FOSB: variants seen among roughly 807,000 people sequenced by gnomAD.
FOSB encodes the protein FosB proto-oncogene, AP-1 transcription factor subunit, also known as protein FosB.
Under a neutral mutation model 31.1 loss-of-function variants are expected in FOSB, and 8 were observed. The ratio of observed to expected loss-of-function variants is 0.26; its 90% CI spans 0.15 to 0.46. The LOEUF (loss-of-function observed/expected upper bound fraction) is 0.46. Ranked by LOEUF, FOSB falls within the 20% of genes least tolerant of loss-of-function variation. The probability of loss-of-function intolerance (pLI) is 0.99; values close to 1 mark genes in which losing one functional copy is unlikely to be tolerated. For missense variants in FOSB, 376 were observed against 460.6 expected (o/e 0.82, Z 1.68); for synonymous variants, 214 against 206.1 (o/e 1.04, Z -0.33).
In FOSB at chr19:45,475,119, TG is replaced by T. The variant is rs1238075322; in HGVS notation, c.*2110del. 1 of 152,628 alleles carries T rather than the reference TG, an allele frequency of 6.6e-6. No individual in the cohort carries two copies. The highest frequency in any genetic ancestry group is 1.5e-5 in the Non-Finnish European group (1 of 68,064). 9.5% of individuals were successfully genotyped at this position (152,628 alleles called of 1,614,324 possible). On this transcript the variant is annotated 3_prime_UTR_variant, in exon 4 of 4. Coordinates refer to ENST00000353609, the MANE Select transcript of FOSB (RefSeq NM_006732.3). ...CCGGGGGGCTGGGACAGATTGGCAA[TG>T]GGCCGTCCCCTCTCCCCTTGGTTCT...
In FOSB at chr19:45,468,274, G is replaced by A; in HGVS notation, c.-313G>A. 1 of 245,954 alleles carries A rather than the reference G, an allele frequency of 4.1e-6. No individual in the cohort carries two copies. The highest frequency in any genetic ancestry group is 1.3e-3 in the Middle Eastern group (1 of 796). The allele number at this position is 245,954 out of a possible 1,614,324, so 15.2% of individuals were successfully genotyped here. On this transcript the variant is annotated 5_prime_UTR_variant, in exon 1 of 4. Transcript: ENST00000353609. This position sits in a 1 kb window ranked among gnomAD's most constrained non-coding sequence, Gnocchi z 4.8. ...AGCTGATTCTGTACAGCGGGACAGCGCTTTCTGCCCCTGGGGGAGCAACCC... is the reference window on the plus strand; with the variant it reads ...AGCTGATTCTGTACAGCGGGACAGCACTTTCTGCCCCTGGGGGAGCAACCC...
rs770578355 is a variant in FOSB, at chr19:45,474,866, A to G, written c.*1854A>G. 2.0e-5 allele frequency: 3 copies of G among 151,992 alleles called. No homozygotes were observed. Among genetic ancestry groups the G allele is most frequent in the African/African-American group, 2.4e-5 (1 of 41,350 alleles). 9.4% of individuals were successfully genotyped at this position (151,992 alleles called of 1,614,324 possible). ...GTCTCCTTTCTGACTGTCCCTGCCAATGCTCCAGCTGTCGTCTGACTCTGG... is the reference window on the plus strand; with the variant it reads ...GTCTCCTTTCTGACTGTCCCTGCCAGTGCTCCAGCTGTCGTCTGACTCTGG... On this transcript the variant is annotated 3_prime_UTR_variant, in exon 4 of 4. Coordinates refer to ENST00000353609, the MANE Select transcript of FOSB (RefSeq NM_006732.3).
In FOSB at chr19:45,472,070, G is replaced by GA. The variant is rs796129432; in HGVS notation, c.556-470dup. 1.3e-3 allele frequency: 185 copies of GA among 147,696 alleles called. No homozygotes were observed. The highest frequency in any genetic ancestry group is 3.5e-3 in the Middle Eastern group (1 of 288). The allele number at this position is 147,696 out of a possible 1,614,324, so 9.1% of individuals were successfully genotyped here. Reference sequence around the variant, plus strand: ...CATAGGGAGGACTTGTCTCTACCAAGAAAAAAAAAAATTAGTTGGGCATGG... The same window carrying GA: ...CATAGGGAGGACTTGTCTCTACCAAGAAAAAAAAAAAATTAGTTGGGCATGG... On this transcript the variant is annotated intron_variant, in intron 3 of 3. Coordinates refer to ENST00000353609, the MANE Select transcript of FOSB (RefSeq NM_006732.3). The surrounding 1 kb of genome is among the most constrained non-coding windows in gnomAD (Gnocchi z 5.4).
Position 45,472,486 on chromosome 19 carries a change from C to G in FOSB, c.556-65C>G, listed in dbSNP as rs1967713004. ...CAAGGGAGCCATGACCCGAGTTTCCCGGTCACTGACATGCTTTTTTCTCCT... is the reference window on the plus strand; with the variant it reads ...CAAGGGAGCCATGACCCGAGTTTCCGGGTCACTGACATGCTTTTTTCTCCT... On this transcript the variant is annotated intron_variant, in intron 3 of 3. Coordinates refer to ENST00000353609, the MANE Select transcript of FOSB (RefSeq NM_006732.3). This position sits in a 1 kb window ranked among gnomAD's most constrained non-coding sequence, Gnocchi z 5.4. The G allele has an allele frequency of 7.5e-7, 1 of 1,335,564 alleles. No individual in the cohort carries two copies. Among genetic ancestry groups the G allele is most frequent in the African/African-American group, 1.5e-5 (1 of 67,900 alleles). The allele number at this position is 1,335,564 out of a possible 1,614,324, so 82.7% of individuals were successfully genotyped here.
chr19:45,474,521 A>T lies in FOSB; in HGVS notation c.*1509A>T, dbSNP rs1470860210. The T allele has an allele frequency of 6.6e-6, 1 of 152,496 alleles. No homozygotes were observed. Among genetic ancestry groups the T allele is most frequent in the Non-Finnish European group, 1.5e-5 (1 of 68,024 alleles). The allele number at this position is 152,496 out of a possible 1,614,324, so 9.4% of individuals were successfully genotyped here. Reference sequence around the variant, plus strand: ...CCCTTGTCGCGCGTCTCCCATCCTGATCCCAGACCCATTCCTTAGCTATTT... The same window carrying T: ...CCCTTGTCGCGCGTCTCCCATCCTGTTCCCAGACCCATTCCTTAGCTATTT... On this transcript the variant is annotated 3_prime_UTR_variant, in exon 4 of 4. Coordinates refer to ENST00000353609, the MANE Select transcript of FOSB (RefSeq NM_006732.3).
Position 45,468,345 on chromosome 19 carries a change from C to T in FOSB, c.-242C>T. ...ACGGAGCCTGCACTTTCAAGAGGTACAGCGGCATCCTGTGGGGGCCTGGGC... is the reference window on the plus strand; with the variant it reads ...ACGGAGCCTGCACTTTCAAGAGGTATAGCGGCATCCTGTGGGGGCCTGGGC... On this transcript the variant is annotated 5_prime_UTR_variant, in exon 1 of 4. Coordinates refer to ENST00000353609, the MANE Select transcript of FOSB (RefSeq NM_006732.3). The surrounding 1 kb of genome is among the most constrained non-coding windows in gnomAD (Gnocchi z 4.8). 2 of 470,922 alleles carry T rather than the reference C, an allele frequency of 4.2e-6. No individual in the cohort carries two copies. Among genetic ancestry groups the T allele is most frequent in the Non-Finnish European group, 7.6e-6 (2 of 263,198 alleles). 29.2% of individuals were successfully genotyped at this position (470,922 alleles called of 1,614,324 possible).
chr19:45,472,973 T>A lies in FOSB; in HGVS notation c.978T>A (p.Pro326=). Residue 326 remains proline, a synonymous_variant, in exon 4 of 4, where the codon CCT becomes CCA. Transcript: ENST00000353609. The surrounding 1 kb of genome is among the most constrained non-coding windows in gnomAD (Gnocchi z 5.4). ...GAQRTSGSDQ[P]SDPLNSPSLL... is the part of the protein sequence containing the mutation. Reference sequence around the variant, plus strand: ...AACGCACCAGCGGCAGTGACCAGCCTTCCGATCCCCTGAACTCGCCCTCCC... The same window carrying A: ...AACGCACCAGCGGCAGTGACCAGCCATCCGATCCCCTGAACTCGCCCTCCC... The A allele has an allele frequency of 6.2e-7, 1 of 1,612,474 alleles. No individual in the cohort carries two copies. Among genetic ancestry groups the A allele is most frequent in the Non-Finnish European group, 8.5e-7 (1 of 1,180,022 alleles).
rs542156920 is a variant in FOSB at position 45,470,963 on chromosome 19, A to T, written c.447+14A>T. On this transcript the variant is annotated intron_variant, in intron 2 of 3. Transcript: ENST00000353609. ...CGAGAGGAGACGGTGAGTAAGGGAC[A>T]TCAGAACTTGGCCTGGGTAGGGGGA... 1 of 1,608,980 alleles carries T rather than the reference A, an allele frequency of 6.2e-7. No individual in the cohort carries two copies. Among genetic ancestry groups the T allele is most frequent in the Non-Finnish European group, 8.5e-7 (1 of 1,179,728 alleles).
Position 45,471,223 on chromosome 19 carries a change from G to T in FOSB, c.477G>T (p.Arg159Ser). 1 of 1,567,172 alleles carries T rather than the reference G, an allele frequency of 6.4e-7. No homozygotes were observed. The highest frequency in any genetic ancestry group is 8.7e-7 in the Non-Finnish European group (1 of 1,155,608). ...CCCCAGAGGAAGAGGAGAAGCGAAG[G>T]GTGCGCCGGGAACGAAATAAACTAG... ...TLTPEEEEKR[R>S]VRRERNKLAA... Residue 159 changes from arginine to serine, a missense_variant, in exon 3 of 4, where the codon AGG becomes AGT. Arg to Ser is a moderately radical substitution (Grantham distance 110). Coordinates refer to ENST00000353609, the MANE Select transcript of FOSB (RefSeq NM_006732.3).
In FOSB at chr19:45,472,095, G is replaced by A. The variant is rs1456476540; in HGVS notation, c.556-456G>A. 1 of 153,532 alleles carries A rather than the reference G, an allele frequency of 6.5e-6. No individual in the cohort carries two copies. Among genetic ancestry groups the A allele is most frequent in the Non-Finnish European group, 1.4e-5 (1 of 69,068 alleles). The allele number at this position is 153,532 out of a possible 1,614,324, so 9.5% of individuals were successfully genotyped here. ...GAAAAAAAAAAATTAGTTGGGCATG[G>A]TGGTGCACACCACTGTGGTCCCAGC... On this transcript the variant is annotated intron_variant, in intron 3 of 3. Coordinates refer to ENST00000353609, the MANE Select transcript of FOSB (RefSeq NM_006732.3). This position sits in a 1 kb window ranked among gnomAD's most constrained non-coding sequence, Gnocchi z 5.4.
Position 45,472,654 on chromosome 19 carries a change from C to A in FOSB, c.659C>A (p.Pro220Gln), listed in dbSNP as rs1409932989. ...RLEFVLVAHK[P>Q]GCKIPYEEGP... ...GAGTTTGTGCTGGTGGCCCACAAAC[C>A]GGGCTGCAAGATCCCCTACGAAGAG... The change falls in exon 4 of 4, where the codon CCG (proline) becomes CAG (glutamine). Residue 220 changes from proline to glutamine, a missense_variant. Coordinates refer to ENST00000353609, the MANE Select transcript of FOSB (RefSeq NM_006732.3). This position sits in a 1 kb window ranked among gnomAD's most constrained non-coding sequence, Gnocchi z 5.4. The A allele has an allele frequency of 6.3e-7, 1 of 1,591,928 alleles. No homozygotes were observed. Among genetic ancestry groups the A allele is most frequent in the East Asian group, 2.2e-5 (1 of 44,684 alleles).
chr19:45,470,730 C>G lies in FOSB; in HGVS notation c.228C>G (p.Ile76Met), dbSNP rs1967621948. The G allele has an allele frequency of 2.5e-6, 4 of 1,613,340 alleles. No individual in the cohort carries two copies. Among genetic ancestry groups the G allele is most frequent in the Non-Finnish European group, 2.5e-6 (3 of 1,180,028 alleles). Residue 76 changes from isoleucine to methionine, a missense_variant, in exon 2 of 4, where the codon ATC becomes ATG. Ile to Met is a conservative substitution (Grantham distance 10, BLOSUM62 1). Around this residue, in one of 3 missense-constraint regions of FOSB, gnomAD observed 193 missense variants for 207.1 expected, o/e 0.93. Coordinates refer to ENST00000353609, the MANE Select transcript of FOSB (RefSeq NM_006732.3). ...DLQWLVQPTL[I>M]SSMAQSQGQP... ...AGTGGCTTGTGCAACCCACCCTCAT[C>G]TCTTCCATGGCCCAGTCCCAGGGGC...
intron 2 of FOSB, 55 bp from the exon 3 acceptor site, chr19:45,471,139 T>G: frequency 3.4e-6 from 5 of 1,459,906 alleles, no homozygotes; most frequent in Non-Finnish European, 3.8e-6. Flanking sequence ...AGGTTCGGGA[T>G]GGGTGGAGGA....
chr19:45,471,026 G>C, intron 2 of FOSB, 77 bp downstream of exon 2: 1 of 1,453,720 alleles, frequency 6.9e-7, no homozygotes. Context: ...AATGGAGGGG[G>C]GCTCCACTAA....
Position 45,468,652 on chromosome 19 carries a change from G to T in FOSB, c.66G>T (p.Glu22Asp). The change falls in exon 1 of 4, where the codon GAG (glutamate) becomes GAT (aspartate). Residue 22 changes from glutamate to aspartate, a missense_variant. Physicochemically the swap from Glu to Asp is conservative, Grantham distance 45 (BLOSUM62 2). Around this residue, in one of 3 missense-constraint regions of FOSB, gnomAD observed 193 missense variants for 207.1 expected, o/e 0.93. Coordinates refer to ENST00000353609, the MANE Select transcript of FOSB (RefSeq NM_006732.3). The surrounding 1 kb of genome is among the most constrained non-coding windows in gnomAD (Gnocchi z 4.8). The stretch of plus-strand genomic sequence containing the variant: ...GGTGCAGCTCCTCACCCTCTGCCGA[G>T]TCTCAATATCTGTCTTCGGTGGACT... Reference protein sequence around the residue: ...GSRCSSSPSAESQYLSSVDSF... With the variant: ...GSRCSSSPSADSQYLSSVDSF... 1 of 1,613,740 alleles carries T rather than the reference G, an allele frequency of 6.2e-7. No homozygotes were observed. The highest frequency in any genetic ancestry group is 2.2e-5 in the East Asian group (1 of 44,816).
In FOSB at chr19:45,473,107, A is replaced by G. The variant is rs1967740362; in HGVS notation, c.*95A>G. The stretch of plus-strand genomic sequence containing the variant: ...AAGGAGGAGAGAGAGGGGAAGAGAC[A>G]AAGTGGGTGTGTGGCCTCCCTGGCT... On this transcript the variant is annotated 3_prime_UTR_variant, in exon 4 of 4. Coordinates refer to ENST00000353609, the MANE Select transcript of FOSB (RefSeq NM_006732.3). 1.6e-6 allele frequency: 2 copies of G among 1,222,238 alleles called. No individual in the cohort carries two copies. Among genetic ancestry groups the G allele is most frequent in the Non-Finnish European group, 2.3e-6 (2 of 864,806 alleles). 75.7% of individuals were successfully genotyped at this position (1,222,238 alleles called of 1,614,324 possible). A position where few individuals can be genotyped will look rare whatever the true frequency, so the allele number is the denominator to read the frequency against.
Position 45,472,249 on chromosome 19 carries a change from C to T in FOSB, c.556-302C>T, listed in dbSNP as rs2122159886. ...CTCTGGCTCAAAAGCAAAACAAAAC[C>T]AACCACATAACGATTGTTCATTCAT... On this transcript the variant is annotated intron_variant, in intron 3 of 3. Coordinates refer to ENST00000353609, the MANE Select transcript of FOSB (RefSeq NM_006732.3). The surrounding 1 kb of genome is among the most constrained non-coding windows in gnomAD (Gnocchi z 5.4). Among the ~76,000 whole-genome samples the T allele has an allele frequency of 6.6e-6, 1 of 152,214 alleles. No individual in the cohort carries two copies. Among genetic ancestry groups the T allele is most frequent in the Non-Finnish European group, 1.5e-5 (1 of 67,990 alleles).
intron 1 of FOSB, among the ~76,000 whole-genome samples, chr19:45,469,600 T>A (rs1967559675): frequency 6.6e-6 from 1 of 152,130 alleles, no homozygotes; most frequent in African/African-American, 2.4e-5. Flanking sequence ...CTTGCGGGGA[T>A]CTAGTCCCTG....
chr19:45,468,697 C>A lies in FOSB; in HGVS notation c.111C>A (p.Thr37=), dbSNP rs200410840. ...TGGACTCCTTCGGCAGTCCACCCAC[C>A]GCCGCCGCCTCCCAGGTAAGTTTTT... ...SSVDSFGSPP[T]AAASQECAGL... The change falls in exon 1 of 4, where the codon ACC becomes ACA. Residue 37 remains threonine (T), a synonymous_variant. Transcript: ENST00000353609. This position sits in a 1 kb window ranked among gnomAD's most constrained non-coding sequence, Gnocchi z 4.8. 23 of 1,606,406 alleles carry A rather than the reference C, an allele frequency of 1.4e-5. No homozygotes were observed. In the East Asian group the frequency reaches 4.5e-4, roughly 31 times the overall value.
Sources: gnomAD v4.1 joint callset for allele counts (sites outside exome capture counted in the v4.1 genomes callset) on GRCh38, gnomAD v4.1.1 for gene constraint, gnomAD v4.1.1 regional missense constraint, Gnocchi (gnomAD v3.1) non-coding constraint, MANE v1.5 for transcripts, NCBI Gene and HGNC (gene_info 2026-07-23, HGNC 2026-07-21) for gene names.